TAFA2: variants seen among roughly 807,000 people sequenced by gnomAD.
TAFA2 encodes TAFA chemokine like family member 2.
TAFA2 carries 7 observed loss-of-function variants against 18.8 expected under a neutral mutation model. The ratio of observed to expected loss-of-function variants is 0.37; its 90% confidence interval spans 0.21 to 0.70. The LOEUF (loss-of-function observed/expected upper bound fraction) is 0.70, where lower values mean the gene tolerates loss of function less well. TAFA2 is among the 30% of genes least tolerant of loss of function. TAFA2 has a pLI of 0.53. For missense variants in TAFA2, 122 were observed against 158.1 expected (o/e 0.77, Z 1.23); for synonymous variants, 60 against 54.2 (o/e 1.11, Z -0.47).
At chr12:61,739,399 C>T (rs1868362478) in intron 4 of TAFA2, among the ~76,000 whole-genome samples, 1 of 151,972 alleles carries the variant, frequency 6.6e-6, no homozygotes, top group African/African-American at 2.4e-5. Flanking sequence ...CTCAGAAAGG[C>T]TAAACCCTTA....
In TAFA2 at chr12:61,984,953, C is replaced by A. The variant is rs867665391; in HGVS notation, c.-1-117527G>T. Among the ~76,000 whole-genome samples the A allele has an allele frequency of 1.3e-4, 20 of 152,160 alleles. No individual in the cohort carries two copies. In the Middle Eastern group the frequency reaches 0.014, roughly 104 times the overall value. On this transcript the variant is annotated intron_variant, in intron 1 of 4. Transcript: ENST00000416284. Reference sequence around the variant, plus strand: ...TAAACATCCTATTTTTATTGTATACCAGACTCTCTTTGACTACACCTGAAG... The same window carrying A: ...TAAACATCCTATTTTTATTGTATACAAGACTCTCTTTGACTACACCTGAAG...
chr12:62,090,736 T>C (rs1868675920), intron 1 of TAFA2, among the ~76,000 whole-genome samples: 1 of 152,050 alleles, frequency 6.6e-6, no homozygotes, highest in Non-Finnish European at 1.5e-5. Context: ...ATAAACCCTA[T>C]TGCAGCATTC....
chr12:62,017,129 C>A (rs1012448505), intron 1 of TAFA2, among the ~76,000 whole-genome samples: 1 of 152,122 alleles, frequency 6.6e-6, no homozygotes, highest in Admixed American at 6.5e-5. Flanking sequence ...CATACATAAA[C>A]TCAAGTTATT....
chr12:62,003,930 AG>A (rs1880461683), intron 1 of TAFA2, among the ~76,000 whole-genome samples: 1 of 152,324 alleles, frequency 6.6e-6, no homozygotes, highest in Non-Finnish European at 1.5e-5. Flanking sequence ...ATGCAAAAAA[AG>A]GAGAACGTTT....
chr12:62,234,951 G>A, intron 1 of TAFA2: 1 of 731,448 alleles, frequency 1.4e-6, no homozygotes, highest in Non-Finnish European at 2.5e-6. Context: ...GGCCTCAGTG[G>A]AAGGCATGGT....
intron 1 of TAFA2, among the ~76,000 whole-genome samples, chr12:62,228,122 T>A (rs2136982382): frequency 1.3e-5 from 2 of 152,346 alleles, no homozygotes; most frequent in African/African-American, 4.8e-5. Flanking sequence ...TTAATTTTTT[T>A]ATCGTTGCCC....
intron 2 of TAFA2, among the ~76,000 whole-genome samples, chr12:61,771,697 C>A (rs1453720899): frequency 6.6e-6 from 1 of 151,832 alleles, no homozygotes; most frequent in Admixed American, 6.6e-5. Flanking sequence ...AATAGTGACA[C>A]AACCTAGCAA....
chr12:61,821,664 T>G (rs1169310683), intron 2 of TAFA2, among the ~76,000 whole-genome samples: 1 of 152,050 alleles, frequency 6.6e-6, no homozygotes, highest in African/African-American at 2.4e-5. Flanking sequence ...AAAAACATAT[T>G]TATCCTCTAT....
chr12:62,048,719 T>C (rs2136770762), intron 1 of TAFA2, among the ~76,000 whole-genome samples: 1 of 152,368 alleles, frequency 6.6e-6, no homozygotes, highest in Non-Finnish European at 1.5e-5. Context: ...TAAGTAAGCT[T>C]AATGTGAAAA....
intron 1 of TAFA2, among the ~76,000 whole-genome samples, chr12:62,227,187 A>G (rs563260022): frequency 6.6e-6 from 1 of 152,168 alleles, no homozygotes; most frequent in East Asian, 1.9e-4. Context: ...TTTCTTCCTC[A>G]GATCACATTA....
intron 2 of TAFA2, among the ~76,000 whole-genome samples, chr12:61,852,263 G>C (rs540458613): frequency 6.6e-6 from 1 of 151,980 alleles, no homozygotes; most frequent in African/African-American, 2.4e-5. Context: ...TATAGAGATG[G>C]AGGATGATGG....
intron 1 of TAFA2, among the ~76,000 whole-genome samples, chr12:62,070,091 T>C (rs1882589559): frequency 6.6e-6 from 1 of 152,152 alleles, no homozygotes; most frequent in Non-Finnish European, 1.5e-5. Flanking sequence ...CAGAAGGCAG[T>C]TTCCTCTTTA....
chr12:61,721,921 C>G (rs111263292), intron 4 of TAFA2, among the ~76,000 whole-genome samples: 2 of 151,176 alleles, frequency 1.3e-5, no homozygotes, highest in Non-Finnish European at 2.9e-5. Context: ...TGCCATTGCA[C>G]TCCAGCCTGG....
intron 1 of TAFA2, among the ~76,000 whole-genome samples, chr12:61,962,912 C>A (rs1164874910): frequency 6.6e-6 from 1 of 151,400 alleles, no homozygotes; most frequent in Non-Finnish European, 1.5e-5. Context: ...CCCCCACCAG[C>A]CAACAGGCTG....
chr12:61,822,025 C>A (rs61942573), intron 2 of TAFA2, among the ~76,000 whole-genome samples: 1,704 of 151,962 alleles, frequency 0.011, 28 homozygotes, highest in Middle Eastern at 0.027. Context: ...TAATATAAAG[C>A]CAGAAATGCA....
At chr12:62,173,340 A>G (rs1387918539) in intron 1 of TAFA2, among the ~76,000 whole-genome samples, 4 of 152,164 alleles carry the variant, frequency 2.6e-5, no homozygotes, top group Admixed American at 2.6e-4. Flanking sequence ...TGAACCCAGG[A>G]GGCGGAGGTT....
rs974580597 is a variant in TAFA2 at position 61,980,256 on chromosome 12, C to T, written c.-1-112830G>A. On this transcript the variant is annotated intron_variant, in intron 1 of 4. Coordinates refer to ENST00000416284, the MANE Select transcript of TAFA2 (RefSeq NM_178539.5). ...AGTCCCTCGACAAAATTCAACAGCG[C>T]TTCATGCTAAAAACTCTCAATAAAC... is the stretch of plus-strand genomic sequence containing the variant. Among the ~76,000 whole-genome samples the T allele has an allele frequency of 2.6e-5, 4 of 152,110 alleles. No homozygotes were observed. The South Asian group carries it at 8.3e-4, about 32-fold the overall frequency.
At chr12:62,090,758 A>G (rs1868677928) in intron 1 of TAFA2, among the ~76,000 whole-genome samples, 1 of 152,068 alleles carries the variant, frequency 6.6e-6, no homozygotes, top group Non-Finnish European at 1.5e-5. Flanking sequence ...TTTTCCATGG[A>G]AAATATTCTG....
intron 1 of TAFA2, among the ~76,000 whole-genome samples, chr12:62,112,619 C>A (rs1330141035): frequency 1.3e-5 from 2 of 152,114 alleles, no homozygotes; most frequent in Non-Finnish European, 2.9e-5. Context: ...TTAGGTACAC[C>A]AATGAAACGT....
Sources: allele counts gnomAD v4.1 joint callset (sites outside exome capture counted in the v4.1 genomes callset), GRCh38; gene constraint gnomAD v4.1.1; transcripts MANE v1.5; gene names NCBI Gene and HGNC (gene_info 2026-07-23, HGNC 2026-07-21).